CCBE1: variants seen among roughly 807,000 people sequenced by gnomAD.
The protein encoded by CCBE1 is collagen and calcium binding EGF domains 1.
In CCBE1, 37 loss-of-function variants were observed where a neutral mutation model predicts 50.0. The ratio of observed to expected loss-of-function variants is 0.74; its 90% CI spans 0.57 to 0.97. The LOEUF is 0.97. Among genes scored for constraint, CCBE1 ranks in the 50% least tolerant of loss-of-function variants. CCBE1 has a pLI of 0.00. For synonymous variants in CCBE1, 234 were observed against 203.7 expected (o/e 1.15, Z -1.27); for missense variants, 538 against 523.8 (o/e 1.03, Z -0.26).
At chr18:59,481,990 G>A (rs1289384673) in intron 2 of CCBE1, among the ~76,000 whole-genome samples, 2 of 152,094 alleles carry the variant, frequency 1.3e-5, no homozygotes, top group African/African-American at 2.4e-5. Context: ...TCAACCTGTC[G>A]TCCAGGTTTT....
At chr18:59,449,829 C>T (rs928784723) in intron 6 of CCBE1, among the ~76,000 whole-genome samples, 1 of 152,160 alleles carries the variant, frequency 6.6e-6, no homozygotes, top group African/African-American at 2.4e-5. Flanking sequence ...AGATGCTCCC[C>T]TATTCCCCCC....
intron 2 of CCBE1, among the ~76,000 whole-genome samples, chr18:59,621,890 C>T (rs1303495659): frequency 6.6e-6 from 1 of 152,226 alleles, no homozygotes; most frequent in Non-Finnish European, 1.5e-5. Context: ...CAAGTGACAA[C>T]AGTAGGCAAC....
intron 2 of CCBE1, among the ~76,000 whole-genome samples, chr18:59,633,952 A>G (rs928110408): frequency 6.6e-6 from 1 of 152,226 alleles, no homozygotes. Context: ...GACATGGCCA[A>G]TATGGGAACT....
chr18:59,494,310 C>A (rs1177281566), intron 2 of CCBE1, among the ~76,000 whole-genome samples: 1 of 152,232 alleles, frequency 6.6e-6, no homozygotes, highest in Non-Finnish European at 1.5e-5. Flanking sequence ...CTCTGTTGTG[C>A]AAGCTCAGCT....
intron 3 of CCBE1, among the ~76,000 whole-genome samples, chr18:59,470,357 C>T (rs891242099): frequency 1.3e-5 from 2 of 152,128 alleles, no homozygotes; most frequent in African/African-American, 4.8e-5. Context: ...CCCACCAGGT[C>T]CCTCCCATGA....
chr18:59,630,287 T>G (rs2053834770), intron 2 of CCBE1, among the ~76,000 whole-genome samples: 1 of 150,754 alleles, frequency 6.6e-6, no homozygotes, highest in Non-Finnish European at 1.5e-5. Context: ...AAAAAAAAAG[T>G]CATTTAATCT....
chr18:59,696,111 C>CT (rs2054800240), intron 2 of CCBE1, among the ~76,000 whole-genome samples: 1 of 152,108 alleles, frequency 6.6e-6, no homozygotes, highest in South Asian at 2.1e-4. Context: ...TTTAGAAAGA[C>CT]TTTTTTCCTC....
intron 9 of CCBE1, among the ~76,000 whole-genome samples, chr18:59,438,966 A>G (rs1434668898): frequency 6.6e-6 from 1 of 152,124 alleles, no homozygotes; most frequent in Non-Finnish European, 1.5e-5. Context: ...CCTGGGTAAC[A>G]TGGCGAAACC....
chr18:59,435,298 C>T lies in CCBE1; in HGVS notation c.*610G>A, dbSNP rs551011131. On this transcript the variant is annotated 3_prime_UTR_variant, in exon 11 of 11. Coordinates refer to ENST00000439986, the MANE Select transcript of CCBE1 (RefSeq NM_133459.4). ...GTGATTCTTTTCTATCTTCTCTAAA[C>T]GCCATTCAATTCTCTCCTCTCTTTA... 3.8e-5 allele frequency: 6 copies of T among 156,102 alleles called. No individual in the cohort carries two copies. Among genetic ancestry groups the T allele is most frequent in the Admixed American group, 1.9e-4 (3 of 16,096 alleles). The allele number at this position is 156,102 out of a possible 1,614,324, so 9.7% of individuals were successfully genotyped here.
intron 2 of CCBE1, among the ~76,000 whole-genome samples, chr18:59,544,303 T>C (rs905587552): frequency 3.9e-5 from 6 of 152,026 alleles, no homozygotes; most frequent in African/African-American, 7.3e-5. Flanking sequence ...TAAAGCAAAA[T>C]AGAATCACTA....
At chr18:59,476,361 C>T (rs564976833) in intron 3 of CCBE1, among the ~76,000 whole-genome samples, 1 of 152,266 alleles carries the variant, frequency 6.6e-6, no homozygotes, top group South Asian at 2.1e-4. Flanking sequence ...TGCTCCCTTC[C>T]CACAGTTTAT....
At chr18:59,591,533 G>A (rs2053269267) in intron 2 of CCBE1, among the ~76,000 whole-genome samples, 1 of 152,112 alleles carries the variant, frequency 6.6e-6, no homozygotes. Context: ...AAAAGCCCAA[G>A]AGAAAAATGG....
At chr18:59,603,002 C>T (rs763948221) in intron 2 of CCBE1, among the ~76,000 whole-genome samples, 2 of 152,150 alleles carry the variant, frequency 1.3e-5, no homozygotes, top group Non-Finnish European at 2.9e-5. Flanking sequence ...CGAGGGCTGT[C>T]ATGGAAACTA....
intron 2 of CCBE1, among the ~76,000 whole-genome samples, chr18:59,545,655 T>C (rs1284044476): frequency 1.3e-5 from 2 of 152,216 alleles, no homozygotes; most frequent in South Asian, 2.1e-4. Context: ...TCATCTTGAA[T>C]TGTACTCCTA....
intron 5 of CCBE1, among the ~76,000 whole-genome samples, chr18:59,460,936 A>AAAAC (rs1911435976): frequency 7.1e-6 from 1 of 141,164 alleles, no homozygotes; most frequent in African/African-American, 2.6e-5. Flanking sequence ...CTCTGTCTCA[A>AAAAC]AAATAAATAA....
intron 2 of CCBE1, among the ~76,000 whole-genome samples, chr18:59,667,895 G>T (rs974605670): frequency 6.6e-6 from 1 of 152,074 alleles, no homozygotes; most frequent in Admixed American, 6.5e-5. Flanking sequence ...TGGAGTCACT[G>T]AATATTTCTG....
chr18:59,562,989 A>C (rs527910203), intron 2 of CCBE1, among the ~76,000 whole-genome samples: 23 of 152,366 alleles, frequency 1.5e-4, no homozygotes, highest in African/African-American at 5.3e-4. Flanking sequence ...GCTTAAGCCC[A>C]AAACAGAGAC....
intron 2 of CCBE1, among the ~76,000 whole-genome samples, chr18:59,585,997 G>A (rs1481324225): frequency 6.6e-6 from 1 of 152,178 alleles, no homozygotes; most frequent in Non-Finnish European, 1.5e-5. Flanking sequence ...TCAAAATGGA[G>A]GAAAATCTTT....
At chr18:59,496,407 T>C (rs1913358026) in intron 2 of CCBE1, among the ~76,000 whole-genome samples, 1 of 152,208 alleles carries the variant, frequency 6.6e-6, no homozygotes, top group Non-Finnish European at 1.5e-5. Context: ...TTTATAAAAA[T>C]AAGTGTCATA....
Sources: allele counts gnomAD v4.1 joint callset (sites outside exome capture counted in the v4.1 genomes callset), GRCh38; gene constraint gnomAD v4.1.1; transcripts MANE v1.5; gene names NCBI Gene and HGNC (gene_info 2026-07-23, HGNC 2026-07-21).